Variants in PIWIL3 observed in about 807,000 individuals in gnomAD.
PIWIL3 encodes the protein piwi like RNA-mediated gene silencing 3.
In PIWIL3, 101 loss-of-function variants were observed where a neutral mutation model predicts 109.7. That is an observed-to-expected ratio of 0.92 (90% CI 0.78 to 1.09). PIWIL3 has a LOEUF of 1.09. Ranked by LOEUF, PIWIL3 falls within the 50% of genes least tolerant of loss-of-function variation. PIWIL3 has a pLI of 0.00. For synonymous variants in PIWIL3, 373 were observed against 376.4 expected, an observed-to-expected ratio of 0.99 and a Z score of 0.10; for missense variants, 1,031 against 1,072.6, an observed-to-expected ratio of 0.96 and a Z score of 0.54.
At chr22:24,728,547 A>T in intron 14 of PIWIL3, 173 bp from the exon 15 acceptor site, 2 of 552,610 alleles carry the variant, frequency 3.6e-6, no homozygotes, top group Non-Finnish European at 6.1e-6. Flanking sequence ...ATTAATTATA[A>T]CATAATTATA....
chr22:24,736,023 G>C (rs1923638023), intron 12 of PIWIL3, 131 bp from the exon 13 acceptor site: 8 of 743,066 alleles, frequency 1.1e-5, no homozygotes, highest in Non-Finnish European at 1.6e-5. Flanking sequence ...GGCCAATGTA[G>C]GTATTTTTTT....
Position 24,724,990 on chromosome 22 carries a change from C to T in PIWIL3, c.2128G>A (p.Val710Ile), listed in dbSNP as rs972460035. Residue 710 changes from valine to isoleucine, a missense_variant, in exon 18 of 21, where the codon GTT becomes ATT. By Grantham distance (29) the Val-to-Ile change is conservative (BLOSUM62 3). Transcript: ENST00000616349. The part of the protein sequence containing the change: ...CKNESSMPHS[V>I]IVYRDGVGDG... Reference sequence around the variant, plus strand: ...CCCACTCCATCCCGATACACAATAACAGAATGTGGCATCGATGATTCGTTT... The same window carrying T: ...CCCACTCCATCCCGATACACAATAATAGAATGTGGCATCGATGATTCGTTT... The T allele has an allele frequency of 1.2e-6, 2 of 1,614,192 alleles. No homozygotes were observed. The highest frequency in any genetic ancestry group is 1.7e-6 in the Non-Finnish European group (2 of 1,180,006).
At chr22:24,751,271 C>G in intron 9 of PIWIL3, 116 bp downstream of exon 9, 1 of 1,122,778 alleles carries the variant, frequency 8.9e-7, no homozygotes, top group Non-Finnish European at 1.3e-6. Context: ...CTATAATCCC[C>G]TAAAAGGAAA....
chr22:24,743,598 C>T (rs889519868), intron 12 of PIWIL3, among the ~76,000 whole-genome samples: 2 of 152,144 alleles, frequency 1.3e-5, no homozygotes, highest in Non-Finnish European at 2.9e-5. Flanking sequence ...TATCTTCTCA[C>T]TCATAAGTGG....
intron 9 of PIWIL3, among the ~76,000 whole-genome samples, chr22:24,750,481 G>A (rs1278444591): frequency 9.2e-6 from 1 of 108,988 alleles, no homozygotes; most frequent in Non-Finnish European, 2.0e-5. Flanking sequence ...TACCACATTT[G>A]ATTTTTTTTC....
At chr22:24,742,439 C>A (rs1244304874) in intron 12 of PIWIL3, among the ~76,000 whole-genome samples, 1 of 151,942 alleles carries the variant, frequency 6.6e-6, no homozygotes, top group Non-Finnish European at 1.5e-5. Context: ...AGAGCCTGCA[C>A]AGCCAAAGGA....
chr22:24,765,944 C>T (rs1249354791), intron 1 of PIWIL3, among the ~76,000 whole-genome samples: 1 of 151,710 alleles, frequency 6.6e-6, no homozygotes, highest in Non-Finnish European at 1.5e-5. Context: ...TGTGCAGAGT[C>T]CATTTCCCAC....
intron 8 of PIWIL3, among the ~76,000 whole-genome samples, chr22:24,751,931 AAAT>A (rs1924735686): frequency 6.6e-6 from 1 of 152,198 alleles, no homozygotes; most frequent in African/African-American, 2.4e-5. Flanking sequence ...TTTCATTTCC[AAAT>A]AATATTCTAT....
At chr22:24,752,499 C>A (rs1924769310) in intron 8 of PIWIL3, among the ~76,000 whole-genome samples, 1 of 152,142 alleles carries the variant, frequency 6.6e-6, no homozygotes, top group Non-Finnish European at 1.5e-5. Context: ...GTAAATCAGA[C>A]ACCACCTCCT....
intron 4 of PIWIL3, among the ~76,000 whole-genome samples, chr22:24,757,659 TACACACACACACACACACACAC>T (rs57298578): frequency 1.8e-5 from 2 of 109,868 alleles, no homozygotes; most frequent in Non-Finnish European, 3.8e-5. Flanking sequence ...ATGTATATAT[TACACACACACACACACACACAC>T]ACACACACAC....
intron 12 of PIWIL3, 24 bp from the exon 13 acceptor site, chr22:24,735,916 G>A: frequency 1.9e-6 from 3 of 1,539,836 alleles, no homozygotes; most frequent in Non-Finnish European, 2.6e-6. Flanking sequence ...ATAAGACATG[G>A]CATAAAACTT....
chr22:24,741,211 G>T (rs566697544), intron 12 of PIWIL3, among the ~76,000 whole-genome samples: 2 of 152,132 alleles, frequency 1.3e-5, no homozygotes, highest in Non-Finnish European at 2.9e-5. Context: ...ATCCAGCATC[G>T]CTTTATGATT....
chr22:24,724,086 G>T (rs572262863), intron 18 of PIWIL3, among the ~76,000 whole-genome samples: 1 of 152,286 alleles, frequency 6.6e-6, no homozygotes, highest in Admixed American at 6.5e-5. Flanking sequence ...GTCTGCTACT[G>T]CCAGGTCCAA....
At chr22:24,727,279 G>A (rs890084989) in intron 16 of PIWIL3, among the ~76,000 whole-genome samples, 2 of 152,192 alleles carry the variant, frequency 1.3e-5, no homozygotes, top group African/African-American at 2.4e-5. Context: ...ATATGGCTCT[G>A]TTGACTTTAT....
intron 12 of PIWIL3, among the ~76,000 whole-genome samples, chr22:24,742,992 A>G (rs1468323557): frequency 1.3e-5 from 2 of 152,182 alleles, no homozygotes; most frequent in African/African-American, 4.8e-5. Flanking sequence ...AACTATGCAT[A>G]TGATGAAGGA....
chr22:24,745,447 T>A (rs911733454), intron 12 of PIWIL3, among the ~76,000 whole-genome samples: 6 of 152,026 alleles, frequency 3.9e-5, no homozygotes, highest in African/African-American at 1.2e-4. Context: ...CTCGGGAGAC[T>A]GAGGCACAAG....
chr22:24,759,178 C>A (rs1164721858), intron 3 of PIWIL3, among the ~76,000 whole-genome samples: 1 of 152,096 alleles, frequency 6.6e-6, no homozygotes, highest in African/African-American at 2.4e-5. Flanking sequence ...AGCCACTGCA[C>A]CCAGTCCATG....
intron 14 of PIWIL3, among the ~76,000 whole-genome samples, chr22:24,730,767 T>G (rs1416643091): frequency 6.6e-6 from 1 of 152,236 alleles, no homozygotes; most frequent in Non-Finnish European, 1.5e-5. Context: ...TGTAAAATTT[T>G]GTGTTTAAAA....
At chr22:24,746,087 T>C (rs1924351274) in intron 12 of PIWIL3, among the ~76,000 whole-genome samples, 1 of 152,218 alleles carries the variant, frequency 6.6e-6, no homozygotes, top group Non-Finnish European at 1.5e-5. Flanking sequence ...GAGGGAATAC[T>C]TCCAAGTCAT....
Sources: gnomAD v4.1 joint callset for allele counts (sites outside exome capture counted in the v4.1 genomes callset) on GRCh38, gnomAD v4.1.1 for gene constraint, MANE v1.5 for transcripts, NCBI Gene and HGNC (gene_info 2026-07-23, HGNC 2026-07-21) for gene names.